The following PSEN1 variants were observed in gnomAD, a reference collection of about 807,000 sequenced individuals.
PSEN1 encodes presenilin 1.
A neutral mutation model predicts 53.5 loss-of-function variants in PSEN1; 15 were observed. The observed-to-expected ratio is 0.28, with a 90% CI of 0.19 to 0.43. The LOEUF (loss-of-function observed/expected upper bound fraction) is 0.43, where lower values mean the gene tolerates loss of function less well. PSEN1 is among the 20% of genes least tolerant of loss of function. PSEN1 has a pLI of 1.00. For synonymous variants in PSEN1, 208 were observed against 209.8 expected (o/e 0.99, Z 0.08); for missense variants, 387 against 571.2 (o/e 0.68, Z 3.29).
At chr14:73,214,254 C>T (rs772408538) in intron 10 of PSEN1, among the ~76,000 whole-genome samples, 3 of 151,938 alleles carry the variant, frequency 2.0e-5, no homozygotes, top group African/African-American at 4.8e-5. Context: ...TATTGCTGGG[C>T]GCAGTGGCTC....
chr14:73,202,449 TATATATATATATA>T (rs1362049012), intron 8 of PSEN1, among the ~76,000 whole-genome samples: 69 of 18,672 alleles, frequency 3.7e-3, no homozygotes, highest in Non-Finnish European at 4.8e-3. Context: ...TATATATATA[TATATATATATATA>T]TTTTTTTTTT....
chr14:73,153,609 G>A (rs1897281004), intron 3 of PSEN1, among the ~76,000 whole-genome samples: 1 of 150,486 alleles, frequency 6.6e-6, no homozygotes, highest in Non-Finnish European at 1.5e-5. Context: ...TACAGAGCAG[G>A]CTTAGAGCCC....
At chr14:73,202,173 T>C (rs1899215972) in intron 8 of PSEN1, among the ~76,000 whole-genome samples, 1 of 150,740 alleles carries the variant, frequency 6.6e-6, no homozygotes, top group Non-Finnish European at 1.5e-5. Context: ...GCCTCCCGAG[T>C]AGTTGAGATT....
rs528408119 is a variant in PSEN1, at chr14:73,204,453, A to G, written c.869-1933A>G. ...TATGATAATTAACATGGGGTTAGCA[A>G]ACTACTGCTTGAAGCCAAATATGGC... On this transcript the variant is annotated intron_variant, in intron 8 of 11. Coordinates refer to ENST00000324501, the MANE Select transcript of PSEN1 (RefSeq NM_000021.4). 5.3e-5 allele frequency among the ~76,000 whole-genome samples: 8 copies of G among 152,040 alleles called. 1 individual carries two copies. The South Asian group carries it at 1.7e-3, about 32-fold the overall frequency.
In PSEN1 at chr14:73,186,864, C is replaced by G. The variant is rs1436382613; in HGVS notation, c.492C>G (p.Ala164=). The stretch of plus-strand genomic sequence containing the variant: ...GCTTTCTTTTCTAGGTCATCCATGC[C>G]TGGCTTATTATATCATCTCTATTGT... The part of the protein sequence containing the change: ...YKYRCYKVIH[A]WLIISSLLLL... Residue 164 remains alanine (A), a synonymous_variant, in exon 6 of 12, where the codon GCC becomes GCG. Coordinates refer to ENST00000324501, the MANE Select transcript of PSEN1 (RefSeq NM_000021.4). The G allele has an allele frequency of 6.2e-7, 1 of 1,612,300 alleles. No individual in the cohort carries two copies. The highest frequency in any genetic ancestry group is 8.5e-7 in the Non-Finnish European group (1 of 1,178,522).
chr14:73,213,035 C>CCTCAGT (rs1262064056), intron 10 of PSEN1, among the ~76,000 whole-genome samples: 1 of 152,150 alleles, frequency 6.6e-6, no homozygotes, highest in African/African-American at 2.4e-5. Flanking sequence ...TACACCTTGT[C>CCTCAGT]CTCAGTTTTT....
At chr14:73,176,683 G>A (rs1166974817) in intron 5 of PSEN1, among the ~76,000 whole-genome samples, 2 of 152,212 alleles carry the variant, frequency 1.3e-5, no homozygotes, top group African/African-American at 4.8e-5. Context: ...GCAGTGACAT[G>A]TACAGGACAG....
At chr14:73,164,324 A>G (rs571701901) in intron 3 of PSEN1, among the ~76,000 whole-genome samples, 2 of 152,304 alleles carry the variant, frequency 1.3e-5, no homozygotes, top group African/African-American at 4.8e-5. Flanking sequence ...CATAGTGCCG[A>G]CGATTTTCTA....
rs1172042493 is a variant in PSEN1, at chr14:73,183,752, C to T, written c.481-3101C>T. On this transcript the variant is annotated intron_variant, in intron 5 of 11. Transcript: ENST00000324501. The stretch of plus-strand genomic sequence containing the variant: ...TTCTCAATCTTTTCCCCACCTTTCC[C>T]GCCTTTCTATTCCACAAAGCCGCCA... 1.1e-4 allele frequency among the ~76,000 whole-genome samples: 16 copies of T among 150,108 alleles called. No homozygotes were observed. In the East Asian group the frequency reaches 1.4e-3, roughly 13 times the overall value.
Position 73,173,546 on chromosome 14 carries a change from T to TTG in PSEN1, c.339-16_339-15dup, listed in dbSNP as rs1366036610. ...CTCCATTAACACTGACCTAGGGCTT[T>TTG]TGTGTTTGTTTTATTGTAGAATCTA... is the stretch of plus-strand genomic sequence containing the variant. On this transcript the variant is annotated intron_variant, in intron 4 of 11. Transcript: ENST00000324501. 2 of 1,613,398 alleles carry TTG rather than the reference T, an allele frequency of 1.2e-6. No homozygotes were observed. Among genetic ancestry groups the TTG allele is most frequent in the Non-Finnish European group, 1.7e-6 (2 of 1,179,400 alleles).
chr14:73,167,758 T>G (rs3025780), intron 3 of PSEN1: 20,743 of 151,546 alleles, frequency 0.14, 1,712 homozygotes, highest in South Asian at 0.24. Context: ...TTTTTTGTCT[T>G]CATTTCTGGT....
At chr14:73,181,073 A>G (rs1320132807) in intron 5 of PSEN1, among the ~76,000 whole-genome samples, 1 of 152,234 alleles carries the variant, frequency 6.6e-6, no homozygotes, top group Non-Finnish European at 1.5e-5. Context: ...AAAACAATAC[A>G]GATTCCATGC....
At chr14:73,214,856 A>T (rs1899847493) in intron 10 of PSEN1, among the ~76,000 whole-genome samples, 1 of 152,198 alleles carries the variant, frequency 6.6e-6, no homozygotes, top group Non-Finnish European at 1.5e-5. Context: ...TGGATGGACG[A>T]TGGTAATGGT....
intron 5 of PSEN1, among the ~76,000 whole-genome samples, chr14:73,179,480 G>T (rs983374306): frequency 1.3e-5 from 2 of 152,164 alleles, no homozygotes; most frequent in Admixed American, 1.3e-4. Context: ...AGCCAGGCAT[G>T]GTGGTGGGCA....
chr14:73,148,257 G>A, intron 3 of PSEN1, 151 bp downstream of exon 3: 3 of 716,246 alleles, frequency 4.2e-6, no homozygotes, highest in Non-Finnish European at 7.4e-6. Flanking sequence ...ATTGCTGGAG[G>A]ACACAGGGCT....
In PSEN1 at chr14:73,159,429, T is replaced by C. The variant is rs376307406; in HGVS notation, c.87+11323T>C. 3.2e-4 allele frequency among the ~76,000 whole-genome samples: 48 copies of C among 152,348 alleles called. 1 individual carries two copies. In the South Asian group the frequency reaches 6.4e-3, roughly 20 times the overall value. On this transcript the variant is annotated intron_variant, in intron 3 of 11. Transcript: ENST00000324501. The stretch of plus-strand genomic sequence containing the variant: ...CCTACTTCAAGTTCTCAGGAGTTTT[T>C]TCCTGCATTTTCTTCTGGAAGCTTT...
intron 5 of PSEN1, among the ~76,000 whole-genome samples, chr14:73,183,912 T>G (rs1272802962): frequency 6.7e-6 from 1 of 148,294 alleles, no homozygotes; most frequent in Non-Finnish European, 1.5e-5. Flanking sequence ...GCGGGGCGGC[T>G]GGCCGGGCGG....
intron 6 of PSEN1, among the ~76,000 whole-genome samples, chr14:73,190,846 A>G (rs1469745093): frequency 6.6e-6 from 1 of 152,214 alleles, no homozygotes; most frequent in Admixed American, 6.5e-5. Context: ...AAGATTAATA[A>G]ATAGATTGTT....
chr14:73,161,614 C>G (rs1566624696), intron 3 of PSEN1, among the ~76,000 whole-genome samples: 1 of 152,180 alleles, frequency 6.6e-6, no homozygotes, highest in Non-Finnish European at 1.5e-5. Context: ...TGTCAATAGT[C>G]CTCTCCCAGT....
Sources: gnomAD v4.1 joint callset for allele counts (sites outside exome capture counted in the v4.1 genomes callset) on GRCh38, gnomAD v4.1.1 for gene constraint, MANE v1.5 for transcripts, NCBI Gene and HGNC (gene_info 2026-07-23, HGNC 2026-07-21) for gene names.